AGBL4: variants seen among roughly 807,000 people sequenced by gnomAD.
AGBL4 encodes the protein AGBL carboxypeptidase 4.
In AGBL4, 58 loss-of-function variants were observed where a neutral mutation model predicts 66.4. The ratio of observed to expected loss-of-function variants is 0.87; its 90% CI spans 0.71 to 1.09. AGBL4 has a LOEUF of 1.09. AGBL4 is among the 50% of genes least tolerant of loss of function. AGBL4 has a pLI of 0.00. For synonymous variants in AGBL4, 234 were observed against 222.9 expected, an observed-to-expected ratio of 1.05 and a Z score of -0.44; for missense variants, 579 against 631.0, an observed-to-expected ratio of 0.92 and a Z score of 0.88.
intron 6 of AGBL4, among the ~76,000 whole-genome samples, chr1:48,794,346 C>T (rs1645619146): frequency 6.6e-6 from 1 of 152,174 alleles, no homozygotes; most frequent in African/African-American, 2.4e-5. Context: ...AAGCCTTTCC[C>T]AGCTTCAAAA....
intron 3 of AGBL4, among the ~76,000 whole-genome samples, chr1:49,514,214 C>A (rs982089299): frequency 6.6e-6 from 1 of 151,798 alleles, no homozygotes; most frequent in East Asian, 1.9e-4. Flanking sequence ...CCTTTATTTC[C>A]TTCTCCTGCC....
intron 1 of AGBL4, among the ~76,000 whole-genome samples, chr1:49,930,208 A>T (rs1382633616): frequency 6.6e-6 from 1 of 152,130 alleles, no homozygotes; most frequent in Non-Finnish European, 1.5e-5. Flanking sequence ...AAATTTGACA[A>T]ATTAGGTAAA....
intron 11 of AGBL4, among the ~76,000 whole-genome samples, chr1:48,580,674 CTCTA>C (rs1315906619): frequency 6.6e-6 from 1 of 152,160 alleles, no homozygotes. Flanking sequence ...GATCTATAAT[CTCTA>C]TCTATCTATC....
intron 3 of AGBL4, among the ~76,000 whole-genome samples, chr1:49,550,436 T>C (rs1443134765): frequency 6.6e-6 from 1 of 152,216 alleles, no homozygotes; most frequent in Non-Finnish European, 1.5e-5. Context: ...TTTTGATGTG[T>C]TTCTAGGATT....
intron 2 of AGBL4, among the ~76,000 whole-genome samples, chr1:49,757,119 A>T (rs1651945239): frequency 6.6e-6 from 1 of 152,038 alleles, no homozygotes; most frequent in Non-Finnish European, 1.5e-5. Context: ...AGCTCTCATG[A>T]GATCTGATGG....
intron 4 of AGBL4, among the ~76,000 whole-genome samples, chr1:49,236,221 T>C (rs887911797): frequency 5.3e-5 from 8 of 151,748 alleles, no homozygotes; most frequent in African/African-American, 1.2e-4. Context: ...AGAAGCAGGG[T>C]TTCACCATGT....
intron 2 of AGBL4, among the ~76,000 whole-genome samples, chr1:49,742,566 G>A (rs1484701721): frequency 6.6e-6 from 1 of 151,648 alleles, no homozygotes; most frequent in Non-Finnish European, 1.5e-5. Context: ...AAGTTCATAT[G>A]GAACCAAAAA....
chr1:49,952,413 T>C (rs1656241184), intron 1 of AGBL4, among the ~76,000 whole-genome samples: 1 of 151,852 alleles, frequency 6.6e-6, no homozygotes, highest in Non-Finnish European at 1.5e-5. Context: ...GAAAAAAAAG[T>C]TGAAATTTCA....
intron 4 of AGBL4, among the ~76,000 whole-genome samples, chr1:49,222,468 T>C (rs1013487546): frequency 3.3e-5 from 5 of 152,282 alleles, no homozygotes; most frequent in Admixed American, 6.5e-5. Flanking sequence ...GCATATAAAA[T>C]TTACTTAAAC....
At chr1:49,401,955 T>G (rs909233750) in intron 3 of AGBL4, among the ~76,000 whole-genome samples, 3 of 152,194 alleles carry the variant, frequency 2.0e-5, no homozygotes, top group Non-Finnish European at 4.4e-5. Flanking sequence ...ATTTTCTAAT[T>G]TATTAGCATA....
intron 3 of AGBL4, among the ~76,000 whole-genome samples, chr1:49,247,585 C>CT (rs538922092): frequency 1.3e-5 from 2 of 151,902 alleles, no homozygotes; most frequent in African/African-American, 4.8e-5. Context: ...TAAGCCCCCC[C>CT]TTTTTTTTCT....
At chr1:48,971,414 G>T (rs1658892440) in intron 5 of AGBL4, among the ~76,000 whole-genome samples, 1 of 151,938 alleles carries the variant, frequency 6.6e-6, no homozygotes, top group African/African-American at 2.4e-5. Flanking sequence ...AACAGTCCCT[G>T]GTGCCAAAAA....
intron 3 of AGBL4, among the ~76,000 whole-genome samples, chr1:49,560,301 C>A (rs762219416): frequency 1.3e-5 from 2 of 151,940 alleles, no homozygotes; most frequent in African/African-American, 2.4e-5. Context: ...AAGAATCAAG[C>A]AGAAATTCTG....
intron 6 of AGBL4, chr1:48,776,527 C>CA: frequency 4.3e-5 from 48 of 1,108,334 alleles, no homozygotes; most frequent in Middle Eastern, 3.1e-4. Context: ...CCCCGGTCCC[C>CA]TCCGCCCGGG....
chr1:49,730,349 A>C (rs1649343032), intron 2 of AGBL4, among the ~76,000 whole-genome samples: 1 of 152,210 alleles, frequency 6.6e-6, no homozygotes, highest in Non-Finnish European at 1.5e-5. Flanking sequence ...GGATGGTGTG[A>C]ATAAAAAGAG....
intron 6 of AGBL4, among the ~76,000 whole-genome samples, chr1:48,681,881 G>GAACT (rs1183801859): frequency 6.6e-6 from 1 of 152,196 alleles, no homozygotes; most frequent in Non-Finnish European, 1.5e-5. Flanking sequence ...GTGATAGGCT[G>GAACT]AACTGTGTCC....
intron 6 of AGBL4, among the ~76,000 whole-genome samples, chr1:48,685,709 G>A (rs112523854): frequency 0.023 from 3,559 of 152,282 alleles, 150 homozygotes; most frequent in African/African-American, 0.08. Flanking sequence ...CCTGGCATAT[G>A]GGAAACTCTT....
At chr1:49,610,601 T>C (rs1457705690) in intron 3 of AGBL4, among the ~76,000 whole-genome samples, 2 of 152,182 alleles carry the variant, frequency 1.3e-5, no homozygotes, top group African/African-American at 4.8e-5. Context: ...TCTATTCTCA[T>C]GAAGGGACTA....
chr1:49,121,371 G>A (rs1034618251), intron 4 of AGBL4, among the ~76,000 whole-genome samples: 2 of 152,164 alleles, frequency 1.3e-5, no homozygotes, highest in Admixed American at 1.3e-4. Flanking sequence ...TTTGATGTTG[G>A]TGACCTACAG....
Sources: allele counts gnomAD v4.1 joint callset (sites outside exome capture counted in the v4.1 genomes callset), GRCh38; gene constraint gnomAD v4.1.1; transcripts MANE v1.5; gene names NCBI Gene and HGNC (gene_info 2026-07-23, HGNC 2026-07-21).